ADCY2: variants seen among roughly 807,000 people sequenced by gnomAD.
ADCY2 encodes the protein adenylate cyclase 2, also known as adenylate cyclase type 2.
A neutral mutation model predicts 125.2 loss-of-function variants in ADCY2; 31 were observed. That is an observed-to-expected ratio of 0.25 (90% confidence interval 0.19 to 0.33). The LOEUF (loss-of-function observed/expected upper bound fraction) is 0.33. ADCY2 is among the 10% of genes least tolerant of loss of function. The pLI is 1.00. For missense variants in ADCY2, 904 were observed against 1,418.2 expected (o/e 0.64, Z 5.82); for synonymous variants, 512 against 548.4 (o/e 0.93, Z 0.93).
At chr5:7,493,434 A>G (rs1185749563) in intron 2 of ADCY2, among the ~76,000 whole-genome samples, 1 of 152,180 alleles carries the variant, frequency 6.6e-6, no homozygotes, top group Non-Finnish European at 1.5e-5. Context: ...GTGCCTTTAT[A>G]TAGAAAGAAA....
At chr5:7,475,027 G>A (rs1004985922) in intron 2 of ADCY2, among the ~76,000 whole-genome samples, 2 of 152,192 alleles carry the variant, frequency 1.3e-5, no homozygotes, top group South Asian at 2.1e-4. Flanking sequence ...CAGGAGGGTC[G>A]CTGGCCTGGG....
chr5:7,618,221 GTCT>G (rs1412422376), intron 3 of ADCY2, among the ~76,000 whole-genome samples: 1 of 152,124 alleles, frequency 6.6e-6, no homozygotes, highest in Non-Finnish European at 1.5e-5. Flanking sequence ...TCTCTCCATT[GTCT>G]TCTTACGTTT....
Position 7,690,842 on chromosome 5 carries a change from ACGACGCTATG to A in ADCY2, c.869+5_869+14del. 1 of 1,573,462 alleles carries A rather than the reference ACGACGCTATG, an allele frequency of 6.4e-7. No individual in the cohort carries two copies. Among genetic ancestry groups the A allele is most frequent in the Non-Finnish European group, 8.6e-7 (1 of 1,162,552 alleles). On this transcript the variant is annotated splice_donor_5th_base_variant and intron_variant, in intron 5 of 24. Transcript: ENST00000338316. ...GTGAAGCGGCATACAAACGTGAGGT[ACGACGCTATG>A]CTTGCTCCTTGGCTGGTCTGGGAGT... is the stretch of plus-strand genomic sequence containing the variant.
intron 3 of ADCY2, among the ~76,000 whole-genome samples, chr5:7,590,202 T>C (rs1736809047): frequency 6.6e-6 from 1 of 152,074 alleles, no homozygotes; most frequent in South Asian, 2.1e-4. Flanking sequence ...AGTAATAAGG[T>C]AAAGAGAGGT....
chr5:7,677,825 T>C (rs1740185124), intron 4 of ADCY2, among the ~76,000 whole-genome samples: 1 of 152,162 alleles, frequency 6.6e-6, no homozygotes, highest in Non-Finnish European at 1.5e-5. Context: ...TTTGCAGCAA[T>C]AGATGATTGA....
chr5:7,668,486 C>A (rs1416233276), intron 4 of ADCY2, among the ~76,000 whole-genome samples: 1 of 152,150 alleles, frequency 6.6e-6, no homozygotes, highest in Non-Finnish European at 1.5e-5. Flanking sequence ...TTCTGTTTCT[C>A]TGGAGAACTA....
chr5:7,671,942 T>C (rs1229883998), intron 4 of ADCY2, among the ~76,000 whole-genome samples: 1 of 152,164 alleles, frequency 6.6e-6, no homozygotes, highest in Non-Finnish European at 1.5e-5. Context: ...GGAGTCTCAT[T>C]CAAATGAGTG....
chr5:7,647,785 C>G (rs563493739), intron 4 of ADCY2, among the ~76,000 whole-genome samples: 1 of 152,340 alleles, frequency 6.6e-6, no homozygotes, highest in East Asian at 1.9e-4. Flanking sequence ...ATTTAAACAT[C>G]TACAAAGACT....
intron 4 of ADCY2, among the ~76,000 whole-genome samples, chr5:7,660,833 G>A (rs13189711): frequency 0.18 from 26,748 of 151,880 alleles, 2,621 homozygotes; most frequent in South Asian, 0.37. Context: ...CCATTTGCCC[G>A]AACAACTGGG....
intron 5 of ADCY2, among the ~76,000 whole-genome samples, chr5:7,692,676 C>T (rs1021489239): frequency 4.6e-5 from 7 of 152,288 alleles, no homozygotes; most frequent in Middle Eastern, 3.4e-3. Context: ...TGACCACTCA[C>T]GTGTACCTGA....
At chr5:7,501,650 C>CCG (rs1554014548) in intron 2 of ADCY2, among the ~76,000 whole-genome samples, 1 of 95,370 alleles carries the variant, frequency 1.0e-5, no homozygotes, top group Admixed American at 9.9e-5. Flanking sequence ...CCCCCCTCCC[C>CCG]CCCCCCCCGC....
At chr5:7,708,833 A>G (rs1393619122) in intron 9 of ADCY2, among the ~76,000 whole-genome samples, 1 of 152,180 alleles carries the variant, frequency 6.6e-6, no homozygotes, top group Non-Finnish European at 1.5e-5. Flanking sequence ...GGTAAAGAAC[A>G]CCAAAACACG....
In ADCY2 at chr5:7,626,195, G is replaced by C. The variant is rs772053936; in HGVS notation, c.599G>C (p.Cys200Ser). 7 of 1,613,902 alleles carry C rather than the reference G, an allele frequency of 4.3e-6. No individual in the cohort carries two copies. The highest frequency in any genetic ancestry group is 1.1e-5 in the South Asian group (1 of 91,066). ...CTGGCCAATGTGATCATTTTCATCT[G>C]TGGGAACCTGGCGGGAGCCTACCAT... ...QILANVIIFI[C>S]GNLAGAYHKH... is the part of the protein sequence containing the mutation. The change falls in exon 4 of 25, where the codon TGT (cysteine) becomes TCT (serine). Residue 200 changes from cysteine to serine, a missense_variant. Around this residue, in one of 7 missense-constraint regions of ADCY2, gnomAD observed 117 missense variants for 248.0 expected, o/e 0.47. Transcript: ENST00000338316.
intron 16 of ADCY2, 85 bp downstream of exon 16, chr5:7,757,671 G>A (rs760972757): frequency 2.2e-5 from 34 of 1,528,602 alleles, no homozygotes; most frequent in Non-Finnish European, 1.1e-5. Context: ...GACCACAGCC[G>A]TGTTCAACAT....
At chr5:7,712,787 C>T in intron 10 of ADCY2, 69 bp from the exon 11 acceptor site, 1 of 1,061,178 alleles carries the variant, frequency 9.4e-7, no homozygotes. Flanking sequence ...ATATGTTTCA[C>T]CTAATTATCA....
chr5:7,810,022 C>T lies in ADCY2; in HGVS notation c.2883+5330C>T, dbSNP rs548013940. 6.6e-4 allele frequency among the ~76,000 whole-genome samples: 100 copies of T among 152,220 alleles called. 1 individual carries two copies. Among genetic ancestry groups the T allele is most frequent in the Non-Finnish European group, 2.6e-4 (18 of 68,048 alleles). The stretch of plus-strand genomic sequence containing the variant: ...GTAGAAAATGAGAGTTTGCCCATCT[C>T]AATGGCCCTTCGTTTTGCCCTCAAG... On this transcript the variant is annotated intron_variant, in intron 22 of 24. Coordinates refer to ENST00000338316, the MANE Select transcript of ADCY2 (RefSeq NM_020546.3).
chr5:7,810,829 C>G (rs1005371308), intron 22 of ADCY2, among the ~76,000 whole-genome samples: 5 of 152,126 alleles, frequency 3.3e-5, no homozygotes, highest in African/African-American at 1.2e-4. Flanking sequence ...CACTCCAGAG[C>G]CTCACCTGTT....
intron 1 of ADCY2, among the ~76,000 whole-genome samples, chr5:7,411,585 CTG>C (rs59586213): frequency 0.011 from 1,701 of 152,254 alleles, 35 homozygotes; most frequent in African/African-American, 0.039. Context: ...GACCCAGACA[CTG>C]TGCTCACTGT....
chr5:7,767,961 G>T (rs1743441373), intron 17 of ADCY2, among the ~76,000 whole-genome samples: 1 of 151,960 alleles, frequency 6.6e-6, no homozygotes, highest in Admixed American at 6.6e-5. Flanking sequence ...AACCTGGGAG[G>T]CAGAGCTTGC....
Sources: gnomAD v4.1 joint callset for allele counts (sites outside exome capture counted in the v4.1 genomes callset) on GRCh38, gnomAD v4.1.1 for gene constraint, gnomAD v4.1.1 regional missense constraint, MANE v1.5 for transcripts, NCBI Gene and HGNC (gene_info 2026-07-23, HGNC 2026-07-21) for gene names.